TENM3: variants seen among roughly 807,000 people sequenced by gnomAD.
The protein encoded by TENM3 is teneurin-3.
TENM3 carries 63 observed loss-of-function variants against 255.1 expected under a neutral mutation model. The observed-to-expected ratio is 0.25, with a 90% CI of 0.20 to 0.30. TENM3 has a LOEUF of 0.30. Ranked by LOEUF, TENM3 falls within the 10% of genes least tolerant of loss-of-function variation. The pLI, the probability that TENM3 is intolerant of heterozygous loss-of-function variation, is 1.00. For missense variants in TENM3, 2,929 were observed against 3,461.1 expected, an observed-to-expected ratio of 0.85 and a Z score of 3.86; for synonymous variants, 1,306 against 1,322.3, an observed-to-expected ratio of 0.99 and a Z score of 0.27.
At chr4:182,456,910 TGGTGGC>T (rs1228163274) in intron 3 of TENM3, among the ~76,000 whole-genome samples, 1 of 152,106 alleles carries the variant, frequency 6.6e-6, no homozygotes, top group East Asian at 1.9e-4. Flanking sequence ...GGGCCCGGCA[TGGTGGC>T]TCATGCCTGT....
the TENM3 span, among the ~76,000 whole-genome samples, chr4:181,615,782 A>G: frequency 6.6e-6 from 1 of 152,244 alleles, no homozygotes; most frequent in Non-Finnish European, 1.5e-5. Context: ...TGTGCCAATA[A>G]GAAAGACCTC....
chr4:182,540,636 T>C (rs1740781225), intron 3 of TENM3, among the ~76,000 whole-genome samples: 1 of 152,130 alleles, frequency 6.6e-6, no homozygotes. Flanking sequence ...AACCCGTGTG[T>C]CTCACCAAGG....
the TENM3 span, among the ~76,000 whole-genome samples, chr4:181,461,536 G>A: frequency 6.6e-6 from 1 of 152,016 alleles, no homozygotes; most frequent in African/African-American, 2.4e-5. Flanking sequence ...CGTCATTGAT[G>A]CTCTGCTGAT....
chr4:182,713,292 C>A (rs966420726), intron 12 of TENM3, among the ~76,000 whole-genome samples: 1 of 152,116 alleles, frequency 6.6e-6, no homozygotes, highest in Non-Finnish European at 1.5e-5. Flanking sequence ...TTATTGTGGT[C>A]CTTATGGTAT....
intron 3 of TENM3, among the ~76,000 whole-genome samples, chr4:182,496,351 A>G (rs1339002464): frequency 1.3e-5 from 2 of 152,138 alleles, no homozygotes; most frequent in African/African-American, 4.8e-5. Context: ...ATATATCAGA[A>G]TTTATTCAAA....
the TENM3 span, among the ~76,000 whole-genome samples, chr4:181,591,736 C>T: frequency 6.6e-6 from 1 of 152,212 alleles, no homozygotes; most frequent in Non-Finnish European, 1.5e-5. Context: ...AGGTTGCACA[C>T]TCAATATGAT....
chr4:182,574,182 G>T (rs1560945580), intron 3 of TENM3, among the ~76,000 whole-genome samples: 2 of 152,006 alleles, frequency 1.3e-5, no homozygotes, highest in Non-Finnish European at 2.9e-5. Flanking sequence ...TATGTTATTT[G>T]TATTCTTTCA....
intron 1 of TENM3, among the ~76,000 whole-genome samples, chr4:182,276,286 C>CT (rs1409821233): frequency 6.6e-5 from 10 of 152,190 alleles, no homozygotes; most frequent in Non-Finnish European, 1.0e-4. Flanking sequence ...TCTCATTGAC[C>CT]TTTTATCACG....
chr4:182,194,250 CGTT>C (rs145361483), intron 1 of TENM3, among the ~76,000 whole-genome samples: 4,861 of 152,172 alleles, frequency 0.032, 99 homozygotes, highest in African/African-American at 0.047. Flanking sequence ...TTTTTGTCCT[CGTT>C]GTTTCTGAGC....
At chr4:181,789,879 A>G in the TENM3 span, among the ~76,000 whole-genome samples, 7 of 152,044 alleles carry the variant, frequency 4.6e-5, no homozygotes, top group African/African-American at 1.2e-4. Flanking sequence ...TGCCCTACAC[A>G]TCCCTTCACC....
the TENM3 span, among the ~76,000 whole-genome samples, chr4:181,801,651 AATATATAT>A: frequency 3.2e-3 from 259 of 80,878 alleles, no homozygotes; most frequent in East Asian, 9.7e-3. Context: ...AGAATTGTAA[AATATATAT>A]ATATATATAT....
chr4:181,668,102 A>G, the TENM3 span, among the ~76,000 whole-genome samples: 4 of 152,216 alleles, frequency 2.6e-5, no homozygotes, highest in Non-Finnish European at 4.4e-5. Context: ...CCAAGTGCCT[A>G]AAACAGTGCC....
the TENM3 span, among the ~76,000 whole-genome samples, chr4:182,095,440 G>T: frequency 6.6e-6 from 1 of 152,154 alleles, no homozygotes; most frequent in Non-Finnish European, 1.5e-5. Context: ...AATAAACCAG[G>T]CACAGAAAGA....
At chr4:182,205,855 G>A (rs922029587) in intron 1 of TENM3, among the ~76,000 whole-genome samples, 2 of 152,052 alleles carry the variant, frequency 1.3e-5, no homozygotes, top group South Asian at 2.1e-4. Context: ...CTTCGTACAC[G>A]CAGGCAAAGT....
intron 1 of TENM3, among the ~76,000 whole-genome samples, chr4:182,294,210 T>C (rs1161939681): frequency 6.6e-6 from 1 of 152,160 alleles, no homozygotes; most frequent in East Asian, 1.9e-4. Flanking sequence ...TGTGAAGTGC[T>C]TTCTTTTCTT....
At chr4:182,636,680 G>A (rs1245966159) in intron 5 of TENM3, among the ~76,000 whole-genome samples, 1 of 150,882 alleles carries the variant, frequency 6.6e-6, no homozygotes. Flanking sequence ...TCGCGCCACC[G>A]TACTCCAGCC....
the TENM3 span, among the ~76,000 whole-genome samples, chr4:181,953,739 G>C: frequency 0.52 from 79,039 of 151,858 alleles, 21,000 homozygotes; most frequent in Non-Finnish European, 0.56. Flanking sequence ...TAAACCATGA[G>C]TGGAAATATA....
chr4:182,189,953 T>C (rs1252633898), intron 1 of TENM3, among the ~76,000 whole-genome samples: 1 of 152,218 alleles, frequency 6.6e-6, no homozygotes, highest in Non-Finnish European at 1.5e-5. Flanking sequence ...TGGTTTTTGT[T>C]TGCTTGTTTT....
chr4:181,870,972 T>A, the TENM3 span, among the ~76,000 whole-genome samples: 2 of 152,084 alleles, frequency 1.3e-5, no homozygotes, highest in African/African-American at 4.8e-5. Context: ...GGGGTTGAAA[T>A]GCATTTATTT....
Sources: allele counts gnomAD v4.1 joint callset (sites outside exome capture counted in the v4.1 genomes callset), GRCh38; gene constraint gnomAD v4.1.1; transcripts MANE v1.5; gene names NCBI Gene and HGNC (gene_info 2026-07-23, HGNC 2026-07-21).